TNRC6A: variants seen among roughly 807,000 people sequenced by gnomAD.
TNRC6A encodes trinucleotide repeat containing adaptor 6A.
TNRC6A carries 44 observed loss-of-function variants against 221.2 expected under a neutral mutation model. The ratio of observed to expected loss-of-function variants is 0.20; its 90% CI spans 0.16 to 0.26. The LOEUF is 0.26. Ranked by LOEUF, TNRC6A falls within the 10% of genes least tolerant of loss-of-function variation. The pLI, the probability that TNRC6A is intolerant of heterozygous loss-of-function variation, is 1.00. For missense variants in TNRC6A, 2,199 were observed against 2,404.4 expected (o/e 0.91, Z 1.79); for synonymous variants, 847 against 838.5 (o/e 1.01, Z -0.18).
chr16:24,739,427 T>G (rs2056843080), intron 2 of TNRC6A, among the ~76,000 whole-genome samples: 1 of 151,984 alleles, frequency 6.6e-6, no homozygotes, highest in Non-Finnish European at 1.5e-5. Flanking sequence ...AGTCCCTTAT[T>G]AGATATATGA....
chr16:24,727,388 C>G (rs760535368), upstream of TNRC6A, among the ~76,000 whole-genome samples: 6 of 152,148 alleles, frequency 3.9e-5, no homozygotes, highest in Non-Finnish European at 8.8e-5. Context: ...CTTTCTCAAC[C>G]TTGGTGCTAT....
In TNRC6A at chr16:24,825,619, A is replaced by G. The variant is rs1257912741; in HGVS notation, c.*1812A>G. The G allele has an allele frequency of 6.5e-6, 1 of 152,694 alleles. No homozygotes were observed. Among genetic ancestry groups the G allele is most frequent in the African/African-American group, 2.4e-5 (1 of 41,466 alleles). The allele number at this position is 152,694 out of a possible 1,614,324, so 9.5% of individuals were successfully genotyped here. Reference sequence around the variant, plus strand: ...CTCATCACAATTTCACCCTGAAATAATGTGAGAACAATGGGAAACTGTAGC... The same window carrying G: ...CTCATCACAATTTCACCCTGAAATAGTGTGAGAACAATGGGAAACTGTAGC... On this transcript the variant is annotated 3_prime_UTR_variant, in exon 25 of 25. Transcript: ENST00000395799.
At position 24,790,593 on chromosome 16, in the gene TNRC6A, T is replaced by C. The variant is rs138156310; in HGVS notation, c.1951T>C (p.Ser651Pro). ...WKSTEEEDQG[S>P]ATSQTNEQSS... ...ATCTACTGAGGAAGAGGATCAGGGTTCTGCCACATCTCAGACAAATGAGCA... is the reference window on the plus strand; with the variant it reads ...ATCTACTGAGGAAGAGGATCAGGGTCCTGCCACATCTCAGACAAATGAGCA... Residue 651 changes from serine (S) to proline (P), a missense_variant, in exon 6 of 25, where the codon TCT (serine) becomes CCT (proline). Coordinates refer to ENST00000395799, the MANE Select transcript of TNRC6A (RefSeq NM_014494.4). 2.4e-5 allele frequency: 39 copies of C among 1,614,082 alleles called. No individual in the cohort carries two copies. In the African/African-American group the frequency reaches 5.2e-4, roughly 22 times the overall value.
In TNRC6A at chr16:24,808,205, A is replaced by G. The variant is rs554308839; in HGVS notation, c.4541-1145A>G. Reference sequence around the variant, plus strand: ...TCAGTGAAGGGAGCTGGCTCTTCCTATTTGACTGCACACTTGACATATAAA... The same window carrying G: ...TCAGTGAAGGGAGCTGGCTCTTCCTGTTTGACTGCACACTTGACATATAAA... On this transcript the variant is annotated intron_variant, in intron 17 of 24. Transcript: ENST00000395799. Among the ~76,000 whole-genome samples the G allele has an allele frequency of 5.3e-5, 8 of 152,348 alleles. No homozygotes were observed. The South Asian group carries it at 1.7e-3, about 32-fold the overall frequency.
chr16:24,789,151 T>C, intron 5 of TNRC6A, 81 bp from the exon 6 acceptor site: 4 of 1,339,710 alleles, frequency 3.0e-6, no homozygotes, highest in Non-Finnish European at 4.0e-6. Context: ...TTATAACATA[T>C]TCGTCATTTT....
intron 1 of TNRC6A, among the ~76,000 whole-genome samples, chr16:24,614,944 C>A (rs1199634743): frequency 6.6e-6 from 1 of 152,084 alleles, no homozygotes; most frequent in Non-Finnish European, 1.5e-5. Flanking sequence ...GTGACCGGCA[C>A]CTGTCAGCTA....
chr16:24,626,932 G>A (rs1218084801), intron 1 of TNRC6A, among the ~76,000 whole-genome samples: 2 of 147,680 alleles, frequency 1.4e-5, no homozygotes, highest in Admixed American at 6.8e-5. Flanking sequence ...GATTACAGGC[G>A]TGAGCCACCG....
At chr16:24,679,586 C>G (rs1226575514) in intron 2 of TNRC6A, among the ~76,000 whole-genome samples, 5 of 152,132 alleles carry the variant, frequency 3.3e-5, no homozygotes, top group Non-Finnish European at 5.9e-5. Context: ...TAGCAATTCT[C>G]CAGCCTCAGC....
chr16:24,756,217 A>G (rs1302018443), intron 3 of TNRC6A, among the ~76,000 whole-genome samples: 3 of 152,176 alleles, frequency 2.0e-5, no homozygotes, highest in Non-Finnish European at 4.4e-5. Context: ...TATTTTGCTC[A>G]TCTCAGTTCA....
rs555717944 is a variant in TNRC6A at position 24,613,274 on chromosome 16, G to A, written n.276+2790G>A. On this transcript the variant is annotated intron_variant and non_coding_transcript_variant, in intron 1 of 2. Transcript: ENST00000566108. ...GAGGGGTAAGGGTCAACCAGGTGGC[G>A]TGTGTGAAGGCCTTGAGGAGGGCAA... 4.0e-4 allele frequency among the ~76,000 whole-genome samples: 60 copies of A among 151,762 alleles called. No individual in the cohort carries two copies. In the South Asian group the frequency reaches 0.01, roughly 26 times the overall value.
Position 24,794,725 on chromosome 16 carries a change from C to T in TNRC6A, c.3528+6C>T, listed in dbSNP as rs201300576. ...CAAAGAAAATGTCATCGAAGGTAAA[C>T]ATTTCAAGGGCAAAGCCCTTGAAAC... On this transcript the variant is annotated splice_donor_region_variant and intron_variant, in intron 8 of 24. Coordinates refer to ENST00000395799, the MANE Select transcript of TNRC6A (RefSeq NM_014494.4). 198 of 1,604,776 alleles carry T rather than the reference C, an allele frequency of 1.2e-4. No individual in the cohort carries two copies. Among genetic ancestry groups the T allele is most frequent in the South Asian group, 6.2e-4 (55 of 88,748 alleles).
intron 19 of TNRC6A, 93 bp downstream of exon 19, chr16:24,815,398 C>T (rs774501905): frequency 1.9e-5 from 27 of 1,415,652 alleles, no homozygotes; most frequent in East Asian, 1.2e-4. Flanking sequence ...CCCAGATCGG[C>T]GTGCTTAGAC....
At chr16:24,641,471 T>C (rs888359039) in intron 2 of TNRC6A, among the ~76,000 whole-genome samples, 1 of 152,144 alleles carries the variant, frequency 6.6e-6, no homozygotes, top group Non-Finnish European at 1.5e-5. Flanking sequence ...AGGGGTCTGC[T>C]GGATCCGTAT....
chr16:24,739,138 C>G (rs1389991272), intron 2 of TNRC6A, among the ~76,000 whole-genome samples: 1 of 152,194 alleles, frequency 6.6e-6, no homozygotes, highest in African/African-American at 2.4e-5. Context: ...TTCTCATCAG[C>G]AATGTATGGA....
intron 5 of TNRC6A, among the ~76,000 whole-genome samples, chr16:24,782,421 G>A (rs528421223): frequency 3.3e-5 from 5 of 152,232 alleles, no homozygotes; most frequent in East Asian, 3.9e-4. Flanking sequence ...TTTACATGTC[G>A]TCTGGGCTGC....
At chr16:24,648,793 G>A (rs1902455639) in intron 2 of TNRC6A, among the ~76,000 whole-genome samples, 1 of 152,118 alleles carries the variant, frequency 6.6e-6, no homozygotes, top group African/African-American at 2.4e-5. Flanking sequence ...CTTGAATGTG[G>A]AGAAAAACTT....
At position 24,750,786 on chromosome 16, in the gene TNRC6A, GAAA is replaced by G. The variant is rs1260511475; in HGVS notation, c.117_119del (p.Lys41del). ...AAAAGAAAAAGAAAAAAGACGACAAGAAAAAGAAGGAAGCTGCTCAAAAGAAGG... is the reference window on the plus strand; with the variant it reads ...AAAAGAAAAAGAAAAAAGACGACAAGAAGAAGGAAGCTGCTCAAAAGAAGG... On this transcript the variant is annotated inframe_deletion, in exon 3 of 25. Coordinates refer to ENST00000395799, the MANE Select transcript of TNRC6A (RefSeq NM_014494.4). 6.4e-7 allele frequency: 1 copy of G among 1,564,902 alleles called. No individual in the cohort carries two copies. The highest frequency in any genetic ancestry group is 2.3e-5 in the East Asian group (1 of 43,638).
At chr16:24,740,567 T>C (rs1396788407) in intron 2 of TNRC6A, among the ~76,000 whole-genome samples, 1 of 152,228 alleles carries the variant, frequency 6.6e-6, no homozygotes, top group Admixed American at 6.5e-5. Context: ...TAGGTGGAAT[T>C]GTTTTCTTGA....
intron 1 of TNRC6A, among the ~76,000 whole-genome samples, chr16:24,630,698 C>G (rs1309212898): frequency 6.6e-6 from 1 of 152,150 alleles, no homozygotes; most frequent in Non-Finnish European, 1.5e-5. Flanking sequence ...CTGTAGGGAG[C>G]CCCACACTGG....
Sources: allele counts gnomAD v4.1 joint callset (sites outside exome capture counted in the v4.1 genomes callset), GRCh38; gene constraint gnomAD v4.1.1; transcripts MANE v1.5; gene names NCBI Gene and HGNC (gene_info 2026-07-23, HGNC 2026-07-21).